Variants in AGAP1 observed in about 807,000 individuals in gnomAD.
AGAP1 encodes arf-GAP with GTPase, ANK repeat and PH domain-containing protein 1.
AGAP1 carries 29 observed loss-of-function variants against 105.3 expected under a neutral mutation model. The observed-to-expected ratio is 0.28, with a 90% CI of 0.21 to 0.38. The LOEUF (loss-of-function observed/expected upper bound fraction) is 0.38, where lower values mean the gene tolerates loss of function less well. Ranked by LOEUF, AGAP1 falls within the 10% of genes least tolerant of loss-of-function variation. AGAP1 has a pLI of 1.00. For missense variants in AGAP1, 998 were observed against 1,165.1 expected (o/e 0.86, Z 2.09); for synonymous variants, 509 against 485.9 (o/e 1.05, Z -0.63).
Position 236,025,567 on chromosome 2 carries a change from G to C in AGAP1, c.1646-10994G>C, listed in dbSNP as rs1360035871. Among the ~76,000 whole-genome samples, 3 of 152,252 alleles carry C rather than the reference G, an allele frequency of 2.0e-5. No homozygotes were observed. In the East Asian group the frequency reaches 5.8e-4, roughly 29 times the overall value. On this transcript the variant is annotated intron_variant, in intron 13 of 17. Transcript: ENST00000304032. The stretch of plus-strand genomic sequence containing the variant: ...ACTGTTTACATAATGAGCGTAAATG[G>C]TCACTGCAATGCCACCGAAGTGTAA...
rs1334114867 is a variant in AGAP1, at chr2:235,982,509, G to A, written c.1645+13886G>A. Among the ~76,000 whole-genome samples, 1 of 152,178 alleles carries A rather than the reference G, an allele frequency of 6.6e-6. No individual in the cohort carries two copies. Among genetic ancestry groups the A allele is most frequent in the Non-Finnish European group, 1.5e-5 (1 of 68,032 alleles). ...GTGTTGGTTTGAAGAACTCATAAAT[G>A]GTAAAAGTAACCTGTATTATCATTG... On this transcript the variant is annotated intron_variant, in intron 13 of 17. Coordinates refer to ENST00000304032, the MANE Select transcript of AGAP1 (RefSeq NM_001037131.3). The surrounding 1 kb of genome is among the most constrained non-coding windows in gnomAD (Gnocchi z 4.9).
At chr2:235,554,752 C>T (rs1388388264) in intron 1 of AGAP1, among the ~76,000 whole-genome samples, 2 of 152,156 alleles carry the variant, frequency 1.3e-5, no homozygotes, top group African/African-American at 4.8e-5. Context: ...AGTCTTGGCT[C>T]ACTGCCTCCC....
At position 236,053,402 on chromosome 2, in the gene AGAP1, G is replaced by A. The variant is rs944119370; in HGVS notation, c.2114+4121G>A. 2.6e-5 allele frequency among the ~76,000 whole-genome samples: 4 copies of A among 152,200 alleles called. No individual in the cohort carries two copies. The highest frequency in any genetic ancestry group is 4.4e-5 in the Non-Finnish European group (3 of 68,038). ...TGACGTTTGCAGCACCAGCAAAGCC[G>A]TCTCAGTAAACCCGTCCACGCACAT... On this transcript the variant is annotated intron_variant, in intron 16 of 17. Coordinates refer to ENST00000304032, the MANE Select transcript of AGAP1 (RefSeq NM_001037131.3). This position sits in a 1 kb window ranked among gnomAD's most constrained non-coding sequence, Gnocchi z 4.6.
In AGAP1 at chr2:235,577,741, A is replaced by C. The variant is rs1331005699; in HGVS notation, c.163+82892A>C. 6.6e-6 allele frequency among the ~76,000 whole-genome samples: 1 copy of C among 152,178 alleles called. No individual in the cohort carries two copies. The highest frequency in any genetic ancestry group is 1.5e-5 in the Non-Finnish European group (1 of 68,038). ...GATTGAGCCAGTAAACAAAAAGTGC[A>C]TTCAACACAGGCTTGTCTGCTGGCC... On this transcript the variant is annotated intron_variant, in intron 1 of 17. Transcript: ENST00000304032. The surrounding 1 kb of genome is among the most constrained non-coding windows in gnomAD (Gnocchi z 4.5).
intron 7 of AGAP1, among the ~76,000 whole-genome samples, chr2:235,798,128 G>A (rs1047545518): frequency 6.6e-6 from 1 of 152,160 alleles, no homozygotes; most frequent in African/African-American, 2.4e-5. Flanking sequence ...CCCGGGTGGT[G>A]ATGGGAGGTG....
At chr2:235,565,826 C>T (rs1429316290) in intron 1 of AGAP1, among the ~76,000 whole-genome samples, 1 of 150,984 alleles carries the variant, frequency 6.6e-6, no homozygotes, top group Admixed American at 6.6e-5. Flanking sequence ...ACGCCAGGCT[C>T]ATTTTTTATT....
At position 235,664,254 on chromosome 2, in the gene AGAP1, C is replaced by G. The variant is rs562441455; in HGVS notation, c.164-44925C>G. 2.0e-5 allele frequency among the ~76,000 whole-genome samples: 3 copies of G among 152,092 alleles called. No homozygotes were observed. Among genetic ancestry groups the G allele is most frequent in the Non-Finnish European group, 4.4e-5 (3 of 67,982 alleles). On this transcript the variant is annotated intron_variant, in intron 1 of 17. Coordinates refer to ENST00000304032, the MANE Select transcript of AGAP1 (RefSeq NM_001037131.3). This position sits in a 1 kb window ranked among gnomAD's most constrained non-coding sequence, Gnocchi z 5.7. ...GAGACGGAGTTTCACTATTGTTGCC[C>G]AGGCTAGAGTGCAGTGGCATGATCT...
rs1559350194 is a variant in AGAP1, at chr2:235,686,611, G to GGA, written c.164-22565_164-22564dup. On this transcript the variant is annotated intron_variant, in intron 1 of 17. Coordinates refer to ENST00000304032, the MANE Select transcript of AGAP1 (RefSeq NM_001037131.3). ...CACGTGTGTGTGTATATATATACGT[G>GGA]GAGATATAGATATATATATATATAT... 4.5e-4 allele frequency among the ~76,000 whole-genome samples: 34 copies of GGA among 75,470 alleles called. 2 individuals are homozygous for GGA. The highest frequency in any genetic ancestry group is 2.2e-3 in the African/African-American group (34 of 15,766). 49.5% of individuals were successfully genotyped at this position (75,470 alleles called of 152,430 possible).
In AGAP1 at chr2:235,981,368, G is replaced by A. The variant is rs1426230213; in HGVS notation, c.1645+12745G>A. On this transcript the variant is annotated intron_variant, in intron 13 of 17. Coordinates refer to ENST00000304032, the MANE Select transcript of AGAP1 (RefSeq NM_001037131.3). The surrounding 1 kb of genome is among the most constrained non-coding windows in gnomAD (Gnocchi z 5.5). ...TTTCCCCTTCAGTTGGTTTTCTGCAGAAGCCATGATATACTGTAGGCATGG... is the reference window on the plus strand; with the variant it reads ...TTTCCCCTTCAGTTGGTTTTCTGCAAAAGCCATGATATACTGTAGGCATGG... Among the ~76,000 whole-genome samples the A allele has an allele frequency of 6.6e-6, 1 of 152,008 alleles. No individual in the cohort carries two copies. The highest frequency in any genetic ancestry group is 1.9e-4 in the East Asian group (1 of 5,180).
chr2:235,519,573 T>C (rs1353669022), intron 1 of AGAP1, among the ~76,000 whole-genome samples: 1 of 152,210 alleles, frequency 6.6e-6, no homozygotes, highest in Non-Finnish European at 1.5e-5. Context: ...TGTATGTGTA[T>C]ATGTGTTGTG....
intron 1 of AGAP1, among the ~76,000 whole-genome samples, chr2:235,506,673 G>A (rs947565707): frequency 6.6e-6 from 1 of 152,166 alleles, no homozygotes; most frequent in African/African-American, 2.4e-5. Context: ...TTCTTGGTTA[G>A]GAGCCACCGG....
chr2:235,744,241 G>T lies in AGAP1; in HGVS notation c.397-457G>T, dbSNP rs1237332358. ...GGTAGCGAGTGGGAAGGACTGAGGG[G>T]TGGGGAGGTTCTGAGCAGGCATGAG... On this transcript the variant is annotated intron_variant, in intron 4 of 17. Coordinates refer to ENST00000304032, the MANE Select transcript of AGAP1 (RefSeq NM_001037131.3). The surrounding 1 kb of genome is among the most constrained non-coding windows in gnomAD (Gnocchi z 5.2). 6.6e-6 allele frequency among the ~76,000 whole-genome samples: 1 copy of T among 152,158 alleles called. No homozygotes were observed. The highest frequency in any genetic ancestry group is 2.1e-4 in the South Asian group (1 of 4,830).
At chr2:235,498,700 C>T (rs899091778) in intron 1 of AGAP1, among the ~76,000 whole-genome samples, 2 of 152,196 alleles carry the variant, frequency 1.3e-5, no homozygotes, top group African/African-American at 4.8e-5. Flanking sequence ...ATAGCCCAGC[C>T]AGCTCATTCA....
At chr2:235,527,875 C>T (rs6724808) in intron 1 of AGAP1, among the ~76,000 whole-genome samples, 66,205 of 152,012 alleles carry the variant, frequency 0.44, 16,571 homozygotes, top group African/African-American at 0.68. Context: ...TAAAGGTATC[C>T]GTAAAGCCTC....
At chr2:236,097,417 G>A (rs1408440702) in intron 16 of AGAP1, among the ~76,000 whole-genome samples, 1 of 81,500 alleles carries the variant, frequency 1.2e-5, no homozygotes, top group Non-Finnish European at 2.2e-5. Flanking sequence ...TTTTTGAGAT[G>A]GAGTCTTGCT....
Position 235,788,481 on chromosome 2 carries a change from T to G in AGAP1, c.674-9278T>G. On this transcript the variant is annotated intron_variant, in intron 6 of 17. Coordinates refer to ENST00000304032, the MANE Select transcript of AGAP1 (RefSeq NM_001037131.3). This position sits in a 1 kb window ranked among gnomAD's most constrained non-coding sequence, Gnocchi z 6.0. Reference sequence around the variant, plus strand: ...AATGCTGAGGGAAGGTGAGGCAGGGTGGGGAGAGGAGTGGGAGGGTAGGTG... The same window carrying G: ...AATGCTGAGGGAAGGTGAGGCAGGGGGGGGAGAGGAGTGGGAGGGTAGGTG... Among the ~76,000 whole-genome samples, 1 of 143,784 alleles carries G rather than the reference T, an allele frequency of 7.0e-6. No homozygotes were observed. 94.3% of individuals were successfully genotyped at this position (143,784 alleles called of 152,430 possible).
rs2053984097 is a variant in AGAP1 at position 235,957,094 on chromosome 2, C to T, written c.1484-11368C>T. Among the ~76,000 whole-genome samples the T allele has an allele frequency of 6.6e-6, 1 of 152,222 alleles. No individual in the cohort carries two copies. The highest frequency in any genetic ancestry group is 1.5e-5 in the Non-Finnish European group (1 of 68,040). ...GTATCTCACAGATACCTGCAACCAT[C>T]ACCACAGTCAATCTCAGAACATTTT... On this transcript the variant is annotated intron_variant, in intron 12 of 17. Transcript: ENST00000304032. The surrounding 1 kb of genome is among the most constrained non-coding windows in gnomAD (Gnocchi z 4.6).
rs569927904 is a variant in AGAP1 at position 236,083,424 on chromosome 2, G to A, written c.2114+34143G>A. On this transcript the variant is annotated intron_variant, in intron 16 of 17. Coordinates refer to ENST00000304032, the MANE Select transcript of AGAP1 (RefSeq NM_001037131.3). The surrounding 1 kb of genome is among the most constrained non-coding windows in gnomAD (Gnocchi z 5.3). ...AGGATTGTTTTCATTTTATTATAAG[G>A]AAGAGACATTTTTGGTATAAGCCCA... is the stretch of plus-strand genomic sequence containing the variant. 6.6e-6 allele frequency among the ~76,000 whole-genome samples: 1 copy of A among 152,276 alleles called. No individual in the cohort carries two copies. Among genetic ancestry groups the A allele is most frequent in the African/African-American group, 2.4e-5 (1 of 41,556 alleles).
chr2:235,659,418 G>A lies in AGAP1; in HGVS notation c.164-49761G>A, dbSNP rs1346869490. On this transcript the variant is annotated intron_variant, in intron 1 of 17. Transcript: ENST00000304032. This position sits in a 1 kb window ranked among gnomAD's most constrained non-coding sequence, Gnocchi z 5.0. ...ATTGGCTTTGGTGCACTGGGAAGGG[G>A]CGTCAGCTGGGCAGGCTGAGCCTGT... Among the ~76,000 whole-genome samples, 1 of 152,218 alleles carries A rather than the reference G, an allele frequency of 6.6e-6. No individual in the cohort carries two copies. The highest frequency in any genetic ancestry group is 6.5e-5 in the Admixed American group (1 of 15,286).
Sources: gnomAD v4.1 joint callset for allele counts (sites outside exome capture counted in the v4.1 genomes callset) on GRCh38, gnomAD v4.1.1 for gene constraint, Gnocchi (gnomAD v3.1) non-coding constraint, MANE v1.5 for transcripts, NCBI Gene and HGNC (gene_info 2026-07-23, HGNC 2026-07-21) for gene names.